KIAA0753: variants seen among roughly 807,000 people sequenced by gnomAD.
The protein encoded by KIAA0753 is KIAA0753, also known as protein moonraker.
A neutral mutation model predicts 116.9 loss-of-function variants in KIAA0753; 114 were observed. The ratio of observed to expected loss-of-function variants is 0.98; its 90% CI spans 0.84 to 1.14. The LOEUF is 1.14. Among genes scored for constraint, KIAA0753 ranks in the 50% most tolerant of loss-of-function variants. The probability of loss-of-function intolerance (pLI) is 0.00; values close to 1 mark genes in which losing one functional copy is unlikely to be tolerated. For synonymous variants in KIAA0753, 405 were observed against 413.1 expected, an observed-to-expected ratio of 0.98 and a Z score of 0.24; for missense variants, 1,156 against 1,172.4, an observed-to-expected ratio of 0.99 and a Z score of 0.20.
At chr17:6,621,889 G>A (rs1267720861) in intron 6 of KIAA0753, among the ~76,000 whole-genome samples, 3 of 152,112 alleles carry the variant, frequency 2.0e-5, no homozygotes, top group African/African-American at 4.8e-5. Flanking sequence ...GTCTGCATTT[G>A]ACAACAGCAT....
chr17:6,594,424 A>G (rs565335908), intron 16 of KIAA0753, among the ~76,000 whole-genome samples: 1 of 152,248 alleles, frequency 6.6e-6, no homozygotes, highest in South Asian at 2.1e-4. Context: ...TAAATATAGT[A>G]TTTATAAAAC....
intron 9 of KIAA0753, 121 bp downstream of exon 9, chr17:6,609,873 T>C (rs972308861): frequency 1.1e-5 from 12 of 1,099,680 alleles, no homozygotes; most frequent in Middle Eastern, 3.2e-4. Context: ...AAAGGATTTC[T>C]GCTTAATGGA....
intron 16 of KIAA0753, among the ~76,000 whole-genome samples, chr17:6,591,217 C>T (rs1406902022): frequency 1.1e-4 from 17 of 152,184 alleles, no homozygotes; most frequent in Admixed American, 1.1e-3. Flanking sequence ...CTATAACTTG[C>T]AGGCTTGACA....
At chr17:6,632,055 T>C (rs975879657) in intron 2 of KIAA0753, among the ~76,000 whole-genome samples, 4 of 152,196 alleles carry the variant, frequency 2.6e-5, no homozygotes, top group Non-Finnish European at 5.9e-5. Context: ...GCTAATTTTT[T>C]TGTATTTTTT....
chr17:6,604,247 C>CT (rs34562582), intron 12 of KIAA0753, among the ~76,000 whole-genome samples: 92,633 of 148,166 alleles, frequency 0.63, 29,210 homozygotes, highest in African/African-American at 0.75. Context: ...CTCAGATGTT[C>CT]TTTTTTTTTT....
rs753029509 is a variant in KIAA0753 at position 6,635,063 on chromosome 17, G to A, written c.41C>T (p.Ala14Val). ...GQPASTCVHL[A>V]PRTQLDGRSD... ...CCTCCCATCAAGTTGGGTCCTAGGT[G>A]CTAGATGAACACAGGTTGAAGCTGG... The change falls in exon 2 of 19, where the codon GCA (alanine) becomes GTA (valine). Residue 14 changes from alanine (A) to valine (V), a missense_variant. Physicochemically the swap from Ala to Val is moderately conservative, Grantham distance 64. Coordinates refer to ENST00000361413, the MANE Select transcript of KIAA0753 (RefSeq NM_014804.3). The A allele has an allele frequency of 1.9e-6, 3 of 1,613,942 alleles. No individual in the cohort carries two copies. The highest frequency in any genetic ancestry group is 2.5e-6 in the Non-Finnish European group (3 of 1,179,840).
intron 7 of KIAA0753, among the ~76,000 whole-genome samples, chr17:6,619,617 G>C (rs1255874611): frequency 6.6e-6 from 1 of 152,034 alleles, no homozygotes; most frequent in Middle Eastern, 3.2e-3. Context: ...TGTAGAGACA[G>C]AGTCTACTTA....
At chr17:6,625,659 T>A (rs997025443) in intron 3 of KIAA0753, among the ~76,000 whole-genome samples, 1 of 145,372 alleles carries the variant, frequency 6.9e-6, no homozygotes, top group African/African-American at 2.4e-5. Context: ...AAAATGAGAC[T>A]GTCTTAAAAA....
intron 8 of KIAA0753, among the ~76,000 whole-genome samples, chr17:6,611,711 A>C (rs1018056888): frequency 6.6e-6 from 1 of 152,206 alleles, no homozygotes; most frequent in Non-Finnish European, 1.5e-5. Context: ...GGATCTTACC[A>C]AACCAGGAAT....
chr17:6,621,210 A>C (rs896229740), intron 6 of KIAA0753, among the ~76,000 whole-genome samples: 1 of 152,216 alleles, frequency 6.6e-6, no homozygotes, highest in Non-Finnish European at 1.5e-5. Context: ...TAGCTCACTA[A>C]AGCCAATAGC....
chr17:6,634,729 TTATAAGAAATGG>T, intron 2 of KIAA0753: 1 of 251,070 alleles, frequency 4.0e-6, no homozygotes, highest in Non-Finnish European at 7.9e-6. Context: ...GGTCCATTTC[TTATAAGAAATGG>T]TATAAGAATA....
intron 18 of KIAA0753, among the ~76,000 whole-genome samples, 154 bp downstream of exon 18, chr17:6,589,625 A>G (rs886742485): frequency 6.6e-6 from 1 of 150,712 alleles, no homozygotes; most frequent in East Asian, 1.9e-4. Flanking sequence ...GTCTGAAAAT[A>G]GAGAGCCTGT....
intron 12 of KIAA0753, among the ~76,000 whole-genome samples, chr17:6,601,601 T>C (rs1009124162): frequency 3.3e-5 from 5 of 152,154 alleles, no homozygotes; most frequent in African/African-American, 1.2e-4. Flanking sequence ...TAGCCAGATA[T>C]CCATTAAAGA....
At chr17:6,592,311 T>C (rs1011456962) in intron 16 of KIAA0753, among the ~76,000 whole-genome samples, 11 of 152,210 alleles carry the variant, frequency 7.2e-5, no homozygotes, top group Non-Finnish European at 1.3e-4. Context: ...CATGATGACA[T>C]GCGACACAGG....
intron 14 of KIAA0753, among the ~76,000 whole-genome samples, chr17:6,598,224 T>C (rs1429376221): frequency 1.3e-5 from 2 of 151,886 alleles, no homozygotes; most frequent in Non-Finnish European, 1.5e-5. Context: ...ACTATTCCTC[T>C]AGAAAAAAAA....
At chr17:6,588,479 G>A (rs1403964792) in intron 18 of KIAA0753, among the ~76,000 whole-genome samples, 1 of 152,096 alleles carries the variant, frequency 6.6e-6, no homozygotes, top group African/African-American at 2.4e-5. Context: ...TCAGGTAGGA[G>A]GAAAAGGGGT....
chr17:6,624,535 G>A (rs973994147), intron 4 of KIAA0753, among the ~76,000 whole-genome samples: 5 of 85,150 alleles, frequency 5.9e-5, no homozygotes, highest in African/African-American at 2.0e-4. Flanking sequence ...GGAGTTTGGC[G>A]CCACACACAC....
At position 6,590,602 on chromosome 17, in the gene KIAA0753, CT is replaced by C; in HGVS notation, c.2468del (p.Lys823SerfsTer21). ...TTCTGATTGGATGAGGAGATAGAGG[CT>C]TTTCACTTATTGCTGAGATTTTTTG... ...NDQKISAISE[K>X]PLSPHPIRIT... On this transcript the variant is annotated frameshift_variant, in exon 17 of 19. Transcript: ENST00000361413. LOFTEE classifies it high-confidence loss of function. 1 of 1,613,918 alleles carries C rather than the reference CT, an allele frequency of 6.2e-7. No homozygotes were observed. Among genetic ancestry groups the C allele is most frequent in the South Asian group, 1.1e-5 (1 of 91,062 alleles).
chr17:6,622,734 A>C (rs989115673), intron 6 of KIAA0753, 148 bp downstream of exon 6: 1 of 675,960 alleles, frequency 1.5e-6, no homozygotes, highest in Middle Eastern at 4.1e-4. Context: ...TAGCAAAACA[A>C]AAAGAAGTGT....
Sources: gnomAD v4.1 joint callset for allele counts (sites outside exome capture counted in the v4.1 genomes callset) on GRCh38, gnomAD v4.1.1 for gene constraint, MANE v1.5 for transcripts, NCBI Gene and HGNC (gene_info 2026-07-23, HGNC 2026-07-21) for gene names.